The following C1orf185 variants were observed in gnomAD, a reference collection of about 807,000 sequenced individuals.
C1orf185 encodes chromosome 1 open reading frame 185.
Under a neutral mutation model 16.1 loss-of-function variants are expected in C1orf185, and 13 were observed. The ratio of observed to expected loss-of-function variants is 0.81; its 90% CI spans 0.53 to 1.28. The LOEUF (loss-of-function observed/expected upper bound fraction) is 1.28, where lower values mean the gene tolerates loss of function less well. Ranked by LOEUF, C1orf185 falls within the 50% of genes most tolerant of loss-of-function variation. C1orf185 has a pLI of 0.00. For synonymous variants in C1orf185, 80 were observed against 76.9 expected, an observed-to-expected ratio of 1.04 and a Z score of -0.21; for missense variants, 220 against 225.2, an observed-to-expected ratio of 0.98 and a Z score of 0.15.
chr1:51,108,651 C>T (rs1444723729), intron 1 of C1orf185, among the ~76,000 whole-genome samples: 1 of 152,116 alleles, frequency 6.6e-6, no homozygotes, highest in Non-Finnish European at 1.5e-5. Flanking sequence ...CCTTTTTAAG[C>T]TCCCACATAT....
intron 1 of C1orf185, 29 bp downstream of exon 1, chr1:51,102,278 C>A (rs1646037560): frequency 2.8e-6 from 2 of 711,932 alleles, no homozygotes; most frequent in Non-Finnish European, 5.2e-6. Context: ...TGTAGTCTAG[C>A]TTTTTGCCTG....
chr1:51,128,589 A>G (rs1344807588), intron 3 of C1orf185, among the ~76,000 whole-genome samples: 1 of 152,076 alleles, frequency 6.6e-6, no homozygotes, highest in Non-Finnish European at 1.5e-5. Flanking sequence ...GCTTGTCAGG[A>G]GGCTGAGGCA....
intron 3 of C1orf185, among the ~76,000 whole-genome samples, chr1:51,143,005 C>T (rs1646375517): frequency 6.6e-6 from 1 of 152,066 alleles, no homozygotes. Context: ...CTCAGGGGAT[C>T]CACCTGCCTC....
At chr1:51,102,476 G>T in intron 1 of C1orf185, 2 of 317,150 alleles carry the variant, frequency 6.3e-6, no homozygotes, top group African/African-American at 2.1e-5. Flanking sequence ...GTTCATATAT[G>T]TTTTCTATTA....
rs912861727 is a variant in C1orf185, at chr1:51,145,763, A to G, written c.295+3A>G. The G allele has an allele frequency of 7.7e-7, 1 of 1,295,972 alleles. No individual in the cohort carries two copies. The highest frequency in any genetic ancestry group is 1.0e-6 in the Non-Finnish European group (1 of 954,348). The allele number at this position is 1,295,972 out of a possible 1,614,324, so 80.3% of individuals were successfully genotyped here. On this transcript the variant is annotated splice_donor_region_variant and intron_variant, in intron 4 of 4. Coordinates refer to ENST00000371759, the MANE Select transcript of C1orf185 (RefSeq NM_001136508.2). Reference sequence around the variant, plus strand: ...AAAGGAAGCAGCACATATAAAAGGTATTTTTTCTCAATAATTTATTAGAAG... The same window carrying G: ...AAAGGAAGCAGCACATATAAAAGGTGTTTTTTCTCAATAATTTATTAGAAG...
At chr1:51,124,756 G>A (rs1462244042) in intron 3 of C1orf185, among the ~76,000 whole-genome samples, 1 of 152,226 alleles carries the variant, frequency 6.6e-6, no homozygotes, top group African/African-American at 2.4e-5. Flanking sequence ...TGACACTGGT[G>A]ATAGTGTCTT....
chr1:51,134,779 C>A (rs902287248), intron 3 of C1orf185, among the ~76,000 whole-genome samples: 1 of 152,166 alleles, frequency 6.6e-6, no homozygotes, highest in African/African-American at 2.4e-5. Flanking sequence ...TGGACACATA[C>A]TTCCTAACAC....
At chr1:51,132,905 T>C (rs1228919992) in intron 3 of C1orf185, among the ~76,000 whole-genome samples, 1 of 152,190 alleles carries the variant, frequency 6.6e-6, no homozygotes, top group Non-Finnish European at 1.5e-5. Flanking sequence ...GGGGCCAATA[T>C]TCAATGTTCT....
At chr1:51,138,260 T>A (rs1271939977) in intron 3 of C1orf185, among the ~76,000 whole-genome samples, 1 of 152,224 alleles carries the variant, frequency 6.6e-6, no homozygotes, top group Non-Finnish European at 1.5e-5. Flanking sequence ...GTTTGTACAT[T>A]ACTTATTTTT....
In C1orf185 at chr1:51,122,522, C is replaced by G. The variant is rs542733937; in HGVS notation, c.258+3721C>G. Among the ~76,000 whole-genome samples the G allele has an allele frequency of 2.6e-3, 402 of 152,314 alleles. 2 individuals are homozygous for G. The highest frequency in any genetic ancestry group is 4.1e-3 in the Admixed American group (62 of 15,300). ...CACTATATTCTTTCCCCCACACAGGCACAGCCTCCCCAACTATCCACATCC... is the reference window on the plus strand; with the variant it reads ...CACTATATTCTTTCCCCCACACAGGGACAGCCTCCCCAACTATCCACATCC... On this transcript the variant is annotated intron_variant, in intron 3 of 4. Coordinates refer to ENST00000371759, the MANE Select transcript of C1orf185 (RefSeq NM_001136508.2).
intron 2 of C1orf185, 33 bp from the exon 3 acceptor site, chr1:51,118,633 G>A (rs1646174716): frequency 1.6e-6 from 2 of 1,216,620 alleles, no homozygotes; most frequent in East Asian, 5.6e-5. Flanking sequence ...TCTAACTCAG[G>A]TTTAATAATA....
intron 3 of C1orf185, among the ~76,000 whole-genome samples, chr1:51,131,181 G>A (rs1646282390): frequency 6.6e-6 from 1 of 152,240 alleles, no homozygotes; most frequent in Non-Finnish European, 1.5e-5. Context: ...GGGATTACAG[G>A]TGTAAGCCAC....
At chr1:51,130,508 GC>G (rs779244394) in intron 3 of C1orf185, among the ~76,000 whole-genome samples, 6 of 152,012 alleles carry the variant, frequency 3.9e-5, no homozygotes, top group Non-Finnish European at 5.9e-5. Context: ...AAGCATCCTT[GC>G]CGGCATTTGA....
At chr1:51,125,601 A>G (rs1646234494) in intron 3 of C1orf185, among the ~76,000 whole-genome samples, 1 of 152,178 alleles carries the variant, frequency 6.6e-6, no homozygotes, top group South Asian at 2.1e-4. Flanking sequence ...TTATTTTGTT[A>G]CCAAGCAATG....
intron 4 of C1orf185, among the ~76,000 whole-genome samples, chr1:51,147,038 A>C (rs1166203038): frequency 6.6e-6 from 1 of 152,108 alleles, no homozygotes; most frequent in Non-Finnish European, 1.5e-5. Flanking sequence ...CTTGGTTTTG[A>C]GTTTTAAAGA....
In C1orf185 at chr1:51,147,951, C is replaced by T. The variant is rs1429396331; in HGVS notation, c.*180C>T. ...GCTTTTTTTGTTCTTTACCATAGAG[C>T]GGCTCTACTTCCCTTGCTGGTTCTT... On this transcript the variant is annotated 3_prime_UTR_variant, in exon 5 of 5. Coordinates refer to ENST00000371759, the MANE Select transcript of C1orf185 (RefSeq NM_001136508.2). 1.1e-5 allele frequency: 6 copies of T among 529,822 alleles called. No homozygotes were observed. The highest frequency in any genetic ancestry group is 1.9e-5 in the African/African-American group (1 of 52,048). 32.8% of individuals were successfully genotyped at this position (529,822 alleles called of 1,614,324 possible).
intron 2 of C1orf185, 145 bp downstream of exon 2, chr1:51,112,714 C>A: frequency 3.1e-6 from 2 of 638,610 alleles, no homozygotes; most frequent in South Asian, 3.7e-5. Context: ...TGGTTGGGGA[C>A]GGAAGGCTTT....
rs1012127262 is a variant in C1orf185, at chr1:51,147,503, C to T, written c.332C>T (p.Ala111Val). Residue 111 changes from alanine to valine, a missense_variant, in exon 5 of 5, where the codon GCA (alanine) becomes GTA (valine). Physicochemically the swap from Ala to Val is moderately conservative, Grantham distance 64. Transcript: ENST00000371759. ...CATTCTAAAGATGAACCCCAACTTG[C>T]AACAAAAAATATCATTTGTGATCCC... is the stretch of plus-strand genomic sequence containing the variant. ...KDHSKDEPQLATKNIICDPSE... is the reference protein window; with the variant it reads ...KDHSKDEPQLVTKNIICDPSE... 3 of 1,543,258 alleles carry T rather than the reference C, an allele frequency of 1.9e-6. No homozygotes were observed. The highest frequency in any genetic ancestry group is 1.4e-5 in the African/African-American group (1 of 72,656).
At chr1:51,135,537 C>G (rs1438911814) in intron 3 of C1orf185, among the ~76,000 whole-genome samples, 2 of 152,108 alleles carry the variant, frequency 1.3e-5, no homozygotes, top group Non-Finnish European at 2.9e-5. Context: ...GAAACTCTGT[C>G]AAAAACAAAA....
Sources: allele counts gnomAD v4.1 joint callset (sites outside exome capture counted in the v4.1 genomes callset), GRCh38; gene constraint gnomAD v4.1.1; transcripts MANE v1.5; gene names NCBI Gene and HGNC (gene_info 2026-07-23, HGNC 2026-07-21).